The following DUS2 variants were observed in gnomAD, a reference collection of about 807,000 sequenced individuals.
DUS2 encodes tRNA-dihydrouridine(20) synthase [NAD(P)+]-like.
Under a neutral mutation model 71.3 loss-of-function variants are expected in DUS2, and 52 were observed. The ratio of observed to expected loss-of-function variants is 0.73; its 90% CI spans 0.58 to 0.92. DUS2 has a LOEUF of 0.92. Ranked by LOEUF, DUS2 falls within the 40% of genes least tolerant of loss-of-function variation. The probability of loss-of-function intolerance (pLI) is 0.00; values close to 1 mark genes in which losing one functional copy is unlikely to be tolerated. For synonymous variants in DUS2, 204 were observed against 227.8 expected, an observed-to-expected ratio of 0.90 and a Z score of 0.94; for missense variants, 558 against 622.6, an observed-to-expected ratio of 0.90 and a Z score of 1.10.
chr16:68,067,805 A>G (rs1244248073), intron 10 of DUS2, among the ~76,000 whole-genome samples: 7 of 151,884 alleles, frequency 4.6e-5, no homozygotes, highest in Non-Finnish European at 1.0e-4. Context: ...AACTACAGGC[A>G]CATGCCACCA....
chr16:68,032,908 CAAAAAAAA>C (rs71145986), intron 2 of DUS2, among the ~76,000 whole-genome samples: 3 of 57,944 alleles, frequency 5.2e-5, no homozygotes, highest in Non-Finnish European at 8.7e-5. Context: ...GACTCCATCT[CAAAAAAAA>C]AAAAAAAAAA....
chr16:68,037,680 A>C (rs1269447698), intron 2 of DUS2, among the ~76,000 whole-genome samples: 9 of 151,922 alleles, frequency 5.9e-5, no homozygotes, highest in Non-Finnish European at 1.5e-5. Context: ...CGGCCTCCCA[A>C]AGTGTTGGGA....
At chr16:68,053,351 A>G (rs2033807658) in intron 4 of DUS2, among the ~76,000 whole-genome samples, 1 of 152,222 alleles carries the variant, frequency 6.6e-6, no homozygotes, top group Non-Finnish European at 1.5e-5. Context: ...AGTAATTGCA[A>G]AATGAACAAC....
At chr16:68,067,025 C>A (rs1307121445) in intron 10 of DUS2, among the ~76,000 whole-genome samples, 4 of 100,868 alleles carry the variant, frequency 4.0e-5, no homozygotes, top group Non-Finnish European at 5.7e-5. Flanking sequence ...TTCCTTCCCT[C>A]CCTCCCTCCC....
At chr16:68,050,651 GA>G (rs897288185) in intron 4 of DUS2, among the ~76,000 whole-genome samples, 40 of 151,574 alleles carry the variant, frequency 2.6e-4, no homozygotes, top group African/African-American at 4.8e-4. Flanking sequence ...TGAAGATAAG[GA>G]AAAAAAATGT....
chr16:68,065,802 CTT>C (rs77022946), intron 8 of DUS2, among the ~76,000 whole-genome samples: 17 of 141,748 alleles, frequency 1.2e-4, no homozygotes, highest in Admixed American at 1.4e-4. Flanking sequence ...TTTTTTCTTA[CTT>C]TTTTTTTTTT....
chr16:68,060,214 A>G (rs1482557435), intron 7 of DUS2, among the ~76,000 whole-genome samples: 2 of 152,066 alleles, frequency 1.3e-5, no homozygotes, highest in Admixed American at 6.6e-5. Flanking sequence ...AGACACTGAG[A>G]CCTGGGTTAG....
intron 4 of DUS2, among the ~76,000 whole-genome samples, chr16:68,051,898 T>C (rs1432133756): frequency 6.6e-6 from 1 of 152,086 alleles, no homozygotes; most frequent in Non-Finnish European, 1.5e-5. Flanking sequence ...CATTTTATTT[T>C]ATTTATTTTA....
chr16:68,064,559 C>G (rs779268305), intron 8 of DUS2, among the ~76,000 whole-genome samples: 5 of 152,170 alleles, frequency 3.3e-5, no homozygotes, highest in African/African-American at 7.2e-5. Flanking sequence ...GTAATGGAAC[C>G]TTTTAGAGAT....
In DUS2 at chr16:68,038,135, A is replaced by G. The variant is rs755478505; in HGVS notation, c.112A>G (p.Ile38Val). 1.7e-5 allele frequency: 27 copies of G among 1,613,624 alleles called. 1 individual carries two copies. The highest frequency in any genetic ancestry group is 2.3e-5 in the Non-Finnish European group (27 of 1,179,824). Reference protein sequence around the residue: ...RLLALDYGADIVYCEELIDLK... With the variant: ...RLLALDYGADVVYCEELIDLK... ...GCTGGCCCTGGATTATGGAGCGGAC[A>G]TTGTTTACTGTGAGGTAAGGGGCTC... Residue 38 changes from isoleucine (I) to valine (V), a missense_variant, in exon 3 of 17, where the codon ATT becomes GTT. By Grantham distance (29) the Ile-to-Val change is conservative. Coordinates refer to ENST00000565263, the MANE Select transcript of DUS2 (RefSeq NM_017803.5).
intron 1 of DUS2, among the ~76,000 whole-genome samples, chr16:68,024,928 T>C (rs1567466392): frequency 6.6e-6 from 1 of 150,560 alleles, no homozygotes; most frequent in East Asian, 1.9e-4. Flanking sequence ...GCCTTCTGGG[T>C]TCAAGGGATT....
chr16:68,074,851 T>C (rs1276934326), intron 13 of DUS2, among the ~76,000 whole-genome samples: 1 of 152,212 alleles, frequency 6.6e-6, no homozygotes. Context: ...CTTCCCACCC[T>C]TGGCTTATGG....
Position 68,066,074 on chromosome 16 carries a change from G to C in DUS2, c.418-243G>C, listed in dbSNP as rs944777092. Among the ~76,000 whole-genome samples, 10 of 152,292 alleles carry C rather than the reference G, an allele frequency of 6.6e-5. No individual in the cohort carries two copies. In the South Asian group the frequency reaches 1.0e-3, roughly 16 times the overall value. On this transcript the variant is annotated intron_variant, in intron 8 of 16. Transcript: ENST00000565263. ...ATTCACTCACTCATTCAGTATATTTGACAAATATGTGTATACCACTAGGTG... is the reference window on the plus strand; with the variant it reads ...ATTCACTCACTCATTCAGTATATTTCACAAATATGTGTATACCACTAGGTG...
intron 3 of DUS2, among the ~76,000 whole-genome samples, chr16:68,040,918 T>C (rs772019846): frequency 1.3e-5 from 2 of 152,086 alleles, no homozygotes; most frequent in Non-Finnish European, 2.9e-5. Flanking sequence ...ATATCAAGCA[T>C]GTAGGCACCT....
chr16:68,038,399 T>C (rs534442546), intron 3 of DUS2, among the ~76,000 whole-genome samples: 21 of 152,118 alleles, frequency 1.4e-4, no homozygotes, highest in Non-Finnish European at 2.4e-4. Context: ...TCGCCTGACA[T>C]GTCTGGGCAA....
At chr16:68,077,251 A>G (rs1349520848) in intron 15 of DUS2, 1 of 152,100 alleles carries the variant, frequency 6.6e-6, no homozygotes, top group Non-Finnish European at 1.5e-5. Context: ...AAATAAATAA[A>G]TAAATGGGGT....
chr16:68,066,035 G>A (rs144261028), intron 8 of DUS2, among the ~76,000 whole-genome samples: 23 of 152,270 alleles, frequency 1.5e-4, no homozygotes, highest in African/African-American at 5.5e-4. Flanking sequence ...GCACACAGGT[G>A]TACACGCGTA....
At chr16:68,036,280 C>A (rs1403809956) in intron 2 of DUS2, among the ~76,000 whole-genome samples, 1 of 151,998 alleles carries the variant, frequency 6.6e-6, no homozygotes, top group Non-Finnish European at 1.5e-5. Flanking sequence ...TTTGCCTCAG[C>A]CTCCCAAGTA....
At chr16:68,039,071 A>C (rs539295448) in intron 3 of DUS2, among the ~76,000 whole-genome samples, 32 of 152,018 alleles carry the variant, frequency 2.1e-4, no homozygotes, top group African/African-American at 6.7e-4. Flanking sequence ...ACAAAAGAAA[A>C]AGAAAACCAC....
Sources: allele counts gnomAD v4.1 joint callset (sites outside exome capture counted in the v4.1 genomes callset), GRCh38; gene constraint gnomAD v4.1.1; transcripts MANE v1.5; gene names NCBI Gene and HGNC (gene_info 2026-07-23, HGNC 2026-07-21).